Variants in FAM193A observed in about 807,000 individuals in gnomAD.
The protein encoded by FAM193A is protein FAM193A.
Under a neutral mutation model 126.5 loss-of-function variants are expected in FAM193A, and 22 were observed. The ratio of observed to expected loss-of-function variants is 0.17; its 90% CI spans 0.12 to 0.25. The LOEUF (loss-of-function observed/expected upper bound fraction) is 0.25. FAM193A is among the 10% of genes least tolerant of loss of function. The pLI is 1.00. For missense variants in FAM193A, 1,675 were observed against 1,672.8 expected, an observed-to-expected ratio of 1.00 and a Z score of -0.02; for synonymous variants, 761 against 646.8, an observed-to-expected ratio of 1.18 and a Z score of -2.68.
chr4:2,623,039 C>T (rs921854083), intron 2 of FAM193A, among the ~76,000 whole-genome samples: 2 of 152,068 alleles, frequency 1.3e-5, no homozygotes, highest in African/African-American at 4.8e-5. Flanking sequence ...TGCTGTCCCG[C>T]ACTCTGCCCC....
At chr4:2,705,551 T>C (rs567271223) in intron 19 of FAM193A, among the ~76,000 whole-genome samples, 6 of 152,134 alleles carry the variant, frequency 3.9e-5, no homozygotes, top group African/African-American at 1.4e-4. Context: ...TTTTTCCAAA[T>C]GGTTAGCGAG....
chr4:2,629,151 TAAAAAA>T (rs1222611976), intron 4 of FAM193A, among the ~76,000 whole-genome samples: 1 of 148,690 alleles, frequency 6.7e-6, no homozygotes, highest in Admixed American at 6.8e-5. Flanking sequence ...TTATATAACT[TAAAAAA>T]AAATCTGTTT....
Position 2,626,441 on chromosome 4 carries a change from C to A in FAM193A, c.667C>A (p.Gln223Lys), listed in dbSNP as rs1347092921. The change falls in exon 4 of 21, where the codon CAG (glutamine) becomes AAG (lysine). Residue 223 changes from glutamine to lysine, a missense_variant. By Grantham distance (53) the Gln-to-Lys change is moderately conservative. Coordinates refer to ENST00000637812, the MANE Select transcript of FAM193A (RefSeq NM_001366318.2). ...EISAEADREPQQLQNYWSEVR... is the reference protein window; with the variant it reads ...EISAEADREPKQLQNYWSEVR... ...TTCGGCAGAGGCGGACCGGGAACCT[C>A]AGCAGCTGCAGAACTACTGGTCAGA... 1.4e-6 allele frequency: 1 copy of A among 700,620 alleles called. No individual in the cohort carries two copies. Among genetic ancestry groups the A allele is most frequent in the Admixed American group, 2.0e-5 (1 of 49,990 alleles). The allele number at this position is 700,620 out of a possible 1,614,324, so 43.4% of individuals were successfully genotyped here.
At chr4:2,698,588 T>G (rs1343847579) in intron 18 of FAM193A, among the ~76,000 whole-genome samples, 1 of 152,262 alleles carries the variant, frequency 6.6e-6, no homozygotes, top group African/African-American at 2.4e-5. Context: ...TTTAAAATAT[T>G]GTGAAAAATA....
intron 2 of FAM193A, among the ~76,000 whole-genome samples, chr4:2,622,717 C>T (rs1265792115): frequency 2.0e-5 from 3 of 152,088 alleles, no homozygotes; most frequent in South Asian, 4.1e-4. Context: ...TAGCTGGTGC[C>T]CTCTCTCTGT....
At chr4:2,666,984 G>A (rs535055498) in intron 12 of FAM193A, among the ~76,000 whole-genome samples, 1 of 152,230 alleles carries the variant, frequency 6.6e-6, no homozygotes, top group African/African-American at 2.4e-5. Flanking sequence ...TATGTTCTTT[G>A]GGTTTTGCTT....
At position 2,695,140 on chromosome 4, in the gene FAM193A, G is replaced by A; in HGVS notation, c.3276+11G>A. 6.3e-7 allele frequency: 1 copy of A among 1,583,962 alleles called. No homozygotes were observed. Among genetic ancestry groups the A allele is most frequent in the East Asian group, 2.3e-5 (1 of 43,762 alleles). ...TTTGGGCACGGCGGGGTGAGTGCAT[G>A]AGGTCAGCGCATCATGATGTGGGAA... On this transcript the variant is annotated intron_variant, in intron 17 of 20. Coordinates refer to ENST00000637812, the MANE Select transcript of FAM193A (RefSeq NM_001366318.2).
chr4:2,652,072 C>G (rs1745725018), intron 7 of FAM193A, among the ~76,000 whole-genome samples: 1 of 152,188 alleles, frequency 6.6e-6, no homozygotes, highest in African/African-American at 2.4e-5. Flanking sequence ...AGGGACACAT[C>G]TGTCCCTGAC....
intron 8 of FAM193A, 151 bp from the exon 9 acceptor site, chr4:2,659,407 C>T (rs1230834490): frequency 4.7e-6 from 3 of 633,890 alleles, no homozygotes; most frequent in Non-Finnish European, 8.4e-6. Context: ...GCTGCCGACT[C>T]CAGGTCTGCT....
At chr4:2,731,017 G>A (rs1410859980) in intron 20 of FAM193A, among the ~76,000 whole-genome samples, 6 of 151,830 alleles carry the variant, frequency 4.0e-5, no homozygotes, top group Admixed American at 3.9e-4. Flanking sequence ...TCAACATGGT[G>A]AAACCCTCTT....
intron 15 of FAM193A, among the ~76,000 whole-genome samples, chr4:2,692,131 A>C (rs1716458133): frequency 6.6e-6 from 1 of 152,244 alleles, no homozygotes; most frequent in Non-Finnish European, 1.5e-5. Flanking sequence ...AGAAATACCC[A>C]AGACTGGATG....
chr4:2,724,414 T>TA (rs1461212744), intron 20 of FAM193A, among the ~76,000 whole-genome samples: 3 of 152,246 alleles, frequency 2.0e-5, no homozygotes, highest in African/African-American at 7.2e-5. Flanking sequence ...AAACACATCT[T>TA]ACTTTTTCTT....
chr4:2,691,036 T>A, intron 15 of FAM193A, 66 bp downstream of exon 15: 1 of 1,443,052 alleles, frequency 6.9e-7, no homozygotes, highest in Non-Finnish European at 9.4e-7. Context: ...ACTTCTCGTC[T>A]TTGTAACTCA....
At chr4:2,709,633 C>G (rs752307182) in intron 19 of FAM193A, among the ~76,000 whole-genome samples, 15 of 152,060 alleles carry the variant, frequency 9.9e-5, no homozygotes, top group Non-Finnish European at 1.3e-4. Context: ...AGCTTGAACC[C>G]GGGAGGTGGA....
intron 1 of FAM193A, among the ~76,000 whole-genome samples, chr4:2,572,885 A>G (rs1348226026): frequency 1.3e-5 from 2 of 150,696 alleles, no homozygotes; most frequent in Non-Finnish European, 2.9e-5. Context: ...GTGAGAGGCG[A>G]CAGTGGCGAT....
At chr4:2,572,589 C>T (rs1364359129) in intron 1 of FAM193A, among the ~76,000 whole-genome samples, 2 of 151,880 alleles carry the variant, frequency 1.3e-5, no homozygotes, top group African/African-American at 2.4e-5. Flanking sequence ...AGTTGTCAGT[C>T]CCAGGTAAGA....
chr4:2,647,296 C>T (rs940206881), intron 7 of FAM193A, among the ~76,000 whole-genome samples: 2 of 152,112 alleles, frequency 1.3e-5, no homozygotes, highest in South Asian at 2.1e-4. Context: ...CAGGCATGCA[C>T]CAACCATGCC....
At chr4:2,582,789 A>G (rs1255176159) in intron 1 of FAM193A, among the ~76,000 whole-genome samples, 3 of 151,934 alleles carry the variant, frequency 2.0e-5, no homozygotes, top group African/African-American at 7.3e-5. Context: ...GTGTTTTACC[A>G]TGGCAGTGTT....
In FAM193A at chr4:2,618,920, T is replaced by TG. The variant is rs559240704; in HGVS notation, c.502-6338dup. On this transcript the variant is annotated intron_variant, in intron 2 of 20. Transcript: ENST00000637812. ...CAATTTTTGTATTTTTTTGTAGAGG[T>TG]GGGGTTTCACCATGTTGGTCAGACT... 1.2e-3 allele frequency among the ~76,000 whole-genome samples: 186 copies of TG among 152,004 alleles called. 1 individual carries two copies. Among genetic ancestry groups the TG allele is most frequent in the African/African-American group, 4.4e-3 (181 of 41,466 alleles).
Sources: gnomAD v4.1 joint callset for allele counts (sites outside exome capture counted in the v4.1 genomes callset) on GRCh38, gnomAD v4.1.1 for gene constraint, MANE v1.5 for transcripts, NCBI Gene and HGNC (gene_info 2026-07-23, HGNC 2026-07-21) for gene names.